SNX29: variants seen among roughly 807,000 people sequenced by gnomAD.
SNX29 encodes sorting nexin 29.
In SNX29, 78 loss-of-function variants were observed where a neutral mutation model predicts 102.1. That is an observed-to-expected ratio of 0.76 (90% confidence interval 0.64 to 0.92). SNX29 has a LOEUF of 0.92. Among genes scored for constraint, SNX29 ranks in the 40% least tolerant of loss-of-function variants. The pLI, the probability that SNX29 is intolerant of heterozygous loss-of-function variation, is 0.00. For missense variants in SNX29, 1,280 were observed against 1,061.7 expected, an observed-to-expected ratio of 1.21 and a Z score of -2.86; for synonymous variants, 580 against 414.5, an observed-to-expected ratio of 1.40 and a Z score of -4.85.
At chr16:12,363,923 C>T (rs1162796306) in intron 16 of SNX29, among the ~76,000 whole-genome samples, 1 of 152,166 alleles carries the variant, frequency 6.6e-6, no homozygotes, top group East Asian at 1.9e-4. Flanking sequence ...CAACAGGATG[C>T]TCAAATGAGA....
chr16:12,022,444 G>T lies in SNX29; in HGVS notation c.123-4876G>T, dbSNP rs192716160. Among the ~76,000 whole-genome samples, 158 of 152,102 alleles carry T rather than the reference G, an allele frequency of 1.0e-3. 1 individual carries two copies. The highest frequency in any genetic ancestry group is 3.7e-3 in the African/African-American group (155 of 41,488). On this transcript the variant is annotated intron_variant, in intron 3 of 20. Coordinates refer to ENST00000566228, the MANE Select transcript of SNX29 (RefSeq NM_032167.5). ...TTGAACTCCTGACCTCAGGTGATCT[G>T]CCCACCTCAGCCTCCCAAAGTGTTG...
Position 12,525,698 on chromosome 16 carries a change from A to ACCC in SNX29, c.2318+866_2318+868dup, listed in dbSNP as rs34182279. On this transcript the variant is annotated intron_variant, in intron 20 of 20. Coordinates refer to ENST00000566228, the MANE Select transcript of SNX29 (RefSeq NM_032167.5). ...CAGAGCAAGACTCCACGCCCCCCCC[A>ACCC]CCCCCCCCCCCAAAAAAAAGAAAAA... is the stretch of plus-strand genomic sequence containing the variant. Among the ~76,000 whole-genome samples, 8 of 57,098 alleles carry ACCC rather than the reference A, an allele frequency of 1.4e-4. No homozygotes were observed. The East Asian group carries it at 6.7e-3, about 48-fold the overall frequency. 37.5% of individuals were successfully genotyped at this position (57,098 alleles called of 152,430 possible).
At chr16:12,558,969 G>A (rs768060268) in intron 20 of SNX29, among the ~76,000 whole-genome samples, 1 of 152,194 alleles carries the variant, frequency 6.6e-6, no homozygotes, top group East Asian at 1.9e-4. Context: ...GTAACAGAGG[G>A]ATTCAGAGAC....
At chr16:12,495,707 G>A (rs1056592436) in intron 19 of SNX29, among the ~76,000 whole-genome samples, 5 of 152,230 alleles carry the variant, frequency 3.3e-5, no homozygotes, top group African/African-American at 1.2e-4. Context: ...GAGGACAGCT[G>A]GATGGGGTCA....
In SNX29 at chr16:11,995,685, A is replaced by C. The variant is rs535098272; in HGVS notation, c.8-3612A>C. ...AAAAAGACATCGAGGATCATTGTGC[A>C]TACCAGGAAGGGTAGGTGCTAAACC... On this transcript the variant is annotated intron_variant, in intron 1 of 20. Transcript: ENST00000566228. Among the ~76,000 whole-genome samples, 6 of 151,384 alleles carry C rather than the reference A, an allele frequency of 4.0e-5. No homozygotes were observed. In the South Asian group the frequency reaches 1.3e-3, roughly 32 times the overall value.
intron 10 of SNX29, among the ~76,000 whole-genome samples, chr16:12,071,081 AT>A (rs1425904015): frequency 6.6e-6 from 1 of 151,816 alleles, no homozygotes; most frequent in Non-Finnish European, 1.5e-5. Context: ...CCTTTGTCAG[AT>A]GAGTAGGTTG....
intron 14 of SNX29, among the ~76,000 whole-genome samples, chr16:12,256,592 G>A (rs1481285953): frequency 6.6e-6 from 1 of 152,170 alleles, no homozygotes; most frequent in African/African-American, 2.4e-5. Context: ...CCCCCAAAGT[G>A]TTGGGATTAC....
intron 13 of SNX29, among the ~76,000 whole-genome samples, chr16:12,155,395 G>A (rs2055500777): frequency 6.6e-6 from 1 of 152,066 alleles, no homozygotes; most frequent in African/African-American, 2.4e-5. Flanking sequence ...GCCACAGAAT[G>A]TTTCTCTTCT....
chr16:12,485,764 A>T (rs1256081868), intron 19 of SNX29, among the ~76,000 whole-genome samples: 1 of 152,206 alleles, frequency 6.6e-6, no homozygotes, highest in Non-Finnish European at 1.5e-5. Context: ...GGAGGATGAC[A>T]TGTAAATGAG....
chr16:12,119,760 C>G lies in SNX29; in HGVS notation c.1403-6873C>G, dbSNP rs538474511. ...AAGCAAGCTGGACCAGGTGTGGGTCCTTGCCTGGCCACTTCCTGGCTGTGT... is the reference window on the plus strand; with the variant it reads ...AAGCAAGCTGGACCAGGTGTGGGTCGTTGCCTGGCCACTTCCTGGCTGTGT... On this transcript the variant is annotated intron_variant, in intron 11 of 20. Coordinates refer to ENST00000566228, the MANE Select transcript of SNX29 (RefSeq NM_032167.5). Among the ~76,000 whole-genome samples, 105 of 152,346 alleles carry G rather than the reference C, an allele frequency of 6.9e-4. 1 individual carries two copies. The highest frequency in any genetic ancestry group is 2.4e-3 in the African/African-American group (100 of 41,570).
intron 20 of SNX29, chr16:12,546,239 A>T (rs1384653449): frequency 2.0e-5 from 3 of 152,124 alleles, no homozygotes; most frequent in African/African-American, 7.2e-5. Flanking sequence ...GGTAAACTTG[A>T]CCTCTTTTCG....
At chr16:12,305,679 T>A (rs1023683763) in intron 15 of SNX29, among the ~76,000 whole-genome samples, 1 of 152,242 alleles carries the variant, frequency 6.6e-6, no homozygotes, top group Non-Finnish European at 1.5e-5. Flanking sequence ...TGCCACCTCC[T>A]TAAATTTTGC....
intron 13 of SNX29, among the ~76,000 whole-genome samples, chr16:12,141,993 C>G (rs994829372): frequency 2.6e-5 from 4 of 152,226 alleles, no homozygotes; most frequent in Admixed American, 6.5e-5. Context: ...TCAAACACCT[C>G]CAACAATAGC....
intron 18 of SNX29, among the ~76,000 whole-genome samples, chr16:12,457,608 T>G (rs2151739909): frequency 6.6e-6 from 1 of 152,362 alleles, no homozygotes; most frequent in Non-Finnish European, 1.5e-5. Context: ...CCACTCACTC[T>G]GGGTCTTTGG....
At chr16:12,229,333 A>C (rs1009433153) in intron 14 of SNX29, among the ~76,000 whole-genome samples, 1 of 152,208 alleles carries the variant, frequency 6.6e-6, no homozygotes, top group African/African-American at 2.4e-5. Context: ...GAATAATGGA[A>C]ATGGTCAGGC....
Position 12,240,861 on chromosome 16 carries a change from C to A in SNX29, c.1679-37072C>A, listed in dbSNP as rs192107800. 1.5e-3 allele frequency among the ~76,000 whole-genome samples: 228 copies of A among 152,250 alleles called. 2 individuals carry two copies. Among genetic ancestry groups the A allele is most frequent in the Non-Finnish European group, 8.2e-4 (56 of 68,012 alleles). ...CCTCAAGTGATCCACCCACCTTGGC[C>A]TGTCAAAGTGCTGGGATTACAGGCG... On this transcript the variant is annotated intron_variant, in intron 14 of 20. Coordinates refer to ENST00000566228, the MANE Select transcript of SNX29 (RefSeq NM_032167.5).
At chr16:12,435,943 A>G (rs745535459) in intron 18 of SNX29, among the ~76,000 whole-genome samples, 15 of 152,140 alleles carry the variant, frequency 9.9e-5, no homozygotes, top group East Asian at 1.9e-4. Flanking sequence ...GCGACGCCAC[A>G]CACGTGCCGC....
intron 20 of SNX29, among the ~76,000 whole-genome samples, chr16:12,548,936 C>T (rs1012459127): frequency 2.6e-5 from 4 of 152,222 alleles, no homozygotes; most frequent in Admixed American, 1.3e-4. Context: ...CCTGCTATGG[C>T]CTGGCATTTA....
At chr16:12,564,197 G>C (rs530120332) in intron 20 of SNX29, among the ~76,000 whole-genome samples, 18 of 147,776 alleles carry the variant, frequency 1.2e-4, no homozygotes, top group African/African-American at 4.3e-4. Context: ...AGACCGTCCT[G>C]GGCACCATAG....
Sources: gnomAD v4.1 joint callset for allele counts (sites outside exome capture counted in the v4.1 genomes callset) on GRCh38, gnomAD v4.1.1 for gene constraint, MANE v1.5 for transcripts, NCBI Gene and HGNC (gene_info 2026-07-23, HGNC 2026-07-21) for gene names.